Variants in SMOC2 observed in about 807,000 individuals in gnomAD.
The protein encoded by SMOC2 is SPARC related modular calcium binding 2.
In SMOC2, 39 loss-of-function variants were observed where a neutral mutation model predicts 61.4. That is an observed-to-expected ratio of 0.64 (90% confidence interval 0.49 to 0.83). The LOEUF is 0.83. SMOC2 is among the 40% of genes least tolerant of loss of function. The pLI, the probability that SMOC2 is intolerant of heterozygous loss-of-function variation, is 0.00. For synonymous variants in SMOC2, 247 were observed against 239.9 expected (o/e 1.03, Z -0.27); for missense variants, 556 against 592.9 (o/e 0.94, Z 0.65).
intron 9 of SMOC2, among the ~76,000 whole-genome samples, chr6:168,644,760 A>G (rs2115265470): frequency 6.8e-6 from 1 of 147,396 alleles, no homozygotes; most frequent in East Asian, 2.0e-4. Context: ...AGTGATTCTC[A>G]CACCTCAGCC....
At position 168,608,148 on chromosome 6, in the gene SMOC2, C is replaced by G. The variant is rs750979620; in HGVS notation, c.825-9C>G. ...CTCTCTCCTTCCCCCGCCTTCCCCC[C>G]GCCCATAGGTACGAGCAGCCGAAAT... On this transcript the variant is annotated splice_polypyrimidine_tract_variant and intron_variant, in intron 8 of 12. Coordinates refer to ENST00000356284, the MANE Select transcript of SMOC2 (RefSeq NM_001166412.2). 1.6e-5 allele frequency: 25 copies of G among 1,610,184 alleles called. No homozygotes were observed. Among genetic ancestry groups the G allele is most frequent in the Non-Finnish European group, 2.1e-5 (25 of 1,177,748 alleles).
At chr6:168,576,081 G>A (rs1339251603) in intron 7 of SMOC2, among the ~76,000 whole-genome samples, 1 of 152,092 alleles carries the variant, frequency 6.6e-6, no homozygotes, top group African/African-American at 2.4e-5. Context: ...CCTTGGTCAG[G>A]TTGTGGTTGC....
intron 1 of SMOC2, among the ~76,000 whole-genome samples, chr6:168,445,393 T>C (rs1378857711): frequency 6.6e-6 from 1 of 152,248 alleles, no homozygotes; most frequent in African/African-American, 2.4e-5. Context: ...CTATTTGTGT[T>C]TATTTGCTTT....
At chr6:168,540,398 G>A (rs1282665521) in intron 4 of SMOC2, among the ~76,000 whole-genome samples, 2 of 152,180 alleles carry the variant, frequency 1.3e-5, no homozygotes, top group South Asian at 2.1e-4. Flanking sequence ...TTCCGATGGC[G>A]CACACAGCAC....
rs1157809388 is a variant in SMOC2, at chr6:168,666,553, A to G, written c.*115A>G. 1.6e-5 allele frequency: 18 copies of G among 1,158,002 alleles called. No individual in the cohort carries two copies. The highest frequency in any genetic ancestry group is 2.0e-4 in the Middle Eastern group (1 of 5,076). The allele number at this position is 1,158,002 out of a possible 1,614,324, so 71.7% of individuals were successfully genotyped here. A position where few individuals can be genotyped will look rare whatever the true frequency, so the allele number is the denominator to read the frequency against. On this transcript the variant is annotated 3_prime_UTR_variant, in exon 13 of 13. Transcript: ENST00000356284. ...TATTTGCACTTTGTACTTTAAATGTAAATTCACTTTGTAGAAATGAGCTAT... is the reference window on the plus strand; with the variant it reads ...TATTTGCACTTTGTACTTTAAATGTGAATTCACTTTGTAGAAATGAGCTAT...
chr6:168,643,931 C>T (rs1457470896), intron 9 of SMOC2, among the ~76,000 whole-genome samples: 1 of 152,206 alleles, frequency 6.6e-6, no homozygotes, highest in African/African-American at 2.4e-5. Context: ...GTAGTCCTGC[C>T]TCTGTGAACC....
intron 1 of SMOC2, among the ~76,000 whole-genome samples, chr6:168,468,965 A>G (rs192920050): frequency 7.7e-4 from 117 of 152,408 alleles, no homozygotes; most frequent in South Asian, 2.5e-3. Flanking sequence ...CTCTAGAAGC[A>G]GCACGCATAC....
At chr6:168,580,015 A>C (rs1784887467) in intron 7 of SMOC2, among the ~76,000 whole-genome samples, 1 of 152,158 alleles carries the variant, frequency 6.6e-6, no homozygotes, top group Non-Finnish European at 1.5e-5. Flanking sequence ...TGTGGGAGGC[A>C]AATGGGACTT....
At chr6:168,451,702 G>T (rs1781472110) in intron 1 of SMOC2, among the ~76,000 whole-genome samples, 1 of 151,682 alleles carries the variant, frequency 6.6e-6, no homozygotes, top group South Asian at 2.1e-4. Flanking sequence ...CAATCTCTCT[G>T]ACCTGAACAT....
chr6:168,583,719 T>C (rs996203425), intron 7 of SMOC2, among the ~76,000 whole-genome samples: 13 of 152,346 alleles, frequency 8.5e-5, no homozygotes, highest in African/African-American at 3.1e-4. Flanking sequence ...TTCACAGGCT[T>C]GGGCCCAAAG....
Position 168,599,141 on chromosome 6 carries a change from C to G in SMOC2, c.824+137C>G, listed in dbSNP as rs1008584333. Reference sequence around the variant, plus strand: ...ACACTCACACTCACACACACTGATACCACACACATACCCACACACACCCAC... The same window carrying G: ...ACACTCACACTCACACACACTGATAGCACACACATACCCACACACACCCAC... On this transcript the variant is annotated intron_variant, in intron 8 of 12. Coordinates refer to ENST00000356284, the MANE Select transcript of SMOC2 (RefSeq NM_001166412.2). The G allele has an allele frequency of 1.4e-5, 11 of 789,656 alleles. No individual in the cohort carries two copies. In the African/African-American group the frequency reaches 1.9e-4, roughly 14 times the overall value. The allele number at this position is 789,656 out of a possible 1,614,324, so 48.9% of individuals were successfully genotyped here. A position where few individuals can be genotyped will look rare whatever the true frequency, so the allele number is the denominator to read the frequency against.
chr6:168,518,968 CGCGTGTGT>C (rs1562566884), intron 2 of SMOC2, among the ~76,000 whole-genome samples: 80 of 142,300 alleles, frequency 5.6e-4, no homozygotes, highest in African/African-American at 2.0e-3. Flanking sequence ...TATCCGTGCA[CGCGTGTGT>C]ATGCATGCGT....
intron 11 of SMOC2, among the ~76,000 whole-genome samples, chr6:168,653,768 C>T (rs1257249867): frequency 6.8e-6 from 1 of 147,952 alleles, no homozygotes; most frequent in Non-Finnish European, 1.5e-5. Context: ...AGGAACTCAC[C>T]AACCCTGTAC....
intron 1 of SMOC2, among the ~76,000 whole-genome samples, chr6:168,490,150 C>T (rs112367364): frequency 3.1e-3 from 468 of 148,920 alleles, no homozygotes; most frequent in African/African-American, 0.012. Flanking sequence ...CGTCTGGGTC[C>T]CCTTGGATCA....
chr6:168,650,488 A>G (rs987079005), intron 9 of SMOC2, among the ~76,000 whole-genome samples, 193 bp from the exon 10 acceptor site: 21 of 152,228 alleles, frequency 1.4e-4, no homozygotes. Flanking sequence ...TTCAAACAAT[A>G]GAGGAATTAA....
intron 11 of SMOC2, among the ~76,000 whole-genome samples, chr6:168,660,437 G>T (rs1461693267): frequency 2.6e-5 from 4 of 152,222 alleles, no homozygotes; most frequent in Non-Finnish European, 1.5e-5. Context: ...AAAGCTCTGG[G>T]AGGAAATGTT....
chr6:168,568,054 G>A (rs112812458), intron 7 of SMOC2, among the ~76,000 whole-genome samples: 13,083 of 147,562 alleles, frequency 0.089, 689 homozygotes, highest in East Asian at 0.13. Context: ...AGCCACAGGC[G>A]AAGACTGGAT....
At chr6:168,663,039 G>A (rs570147373) in intron 11 of SMOC2, among the ~76,000 whole-genome samples, 1 of 152,312 alleles carries the variant, frequency 6.6e-6, no homozygotes, top group South Asian at 2.1e-4. Context: ...TCTGGACTGA[G>A]GAGAGAAAGA....
intron 11 of SMOC2, among the ~76,000 whole-genome samples, chr6:168,661,871 G>A (rs184375168): frequency 6.6e-6 from 1 of 152,304 alleles, no homozygotes. Context: ...AAGACAAGTA[G>A]AGGAACAGCA....
Sources: allele counts gnomAD v4.1 joint callset (sites outside exome capture counted in the v4.1 genomes callset), GRCh38; gene constraint gnomAD v4.1.1; transcripts MANE v1.5; gene names NCBI Gene and HGNC (gene_info 2026-07-23, HGNC 2026-07-21).